The following TRANK1 variants were observed in gnomAD, a reference collection of about 807,000 sequenced individuals.
TRANK1 encodes the protein TPR and ankyrin repeat-containing protein 1.
TRANK1 carries 198 observed loss-of-function variants against 266.0 expected under a neutral mutation model. That is an observed-to-expected ratio of 0.74 (90% confidence interval 0.66 to 0.84). TRANK1 has a LOEUF of 0.84. TRANK1 is among the 40% of genes least tolerant of loss of function. The probability of loss-of-function intolerance (pLI) is 0.00; values close to 1 mark genes in which losing one functional copy is unlikely to be tolerated. For missense variants in TRANK1, 3,326 were observed against 3,634.6 expected (o/e 0.92, Z 2.18); for synonymous variants, 1,396 against 1,384.1 (o/e 1.01, Z -0.19).
Position 36,833,076 on chromosome 3 carries a change from G to C in TRANK1, c.6507C>G (p.Asn2169Lys). Residue 2169 changes from asparagine to lysine, a missense_variant, in exon 22 of 24, where the codon AAC becomes AAG. By Grantham distance (94) the Asn-to-Lys change is moderately conservative. Transcript: ENST00000645898. ...IMTDQVKLALNKHLLGRLCQI... is the reference protein window; with the variant it reads ...IMTDQVKLALKKHLLGRLCQI... ...GACACAGCCTGCCCAAAAGGTGTTTGTTTAGGGCTAATTTCACTTGGTCAG... is the reference window on the plus strand; with the variant it reads ...GACACAGCCTGCCCAAAAGGTGTTTCTTTAGGGCTAATTTCACTTGGTCAG... 1 of 1,612,826 alleles carries C rather than the reference G, an allele frequency of 6.2e-7. No homozygotes were observed. Among genetic ancestry groups the C allele is most frequent in the Non-Finnish European group, 8.5e-7 (1 of 1,179,316 alleles).
intron 1 of TRANK1, among the ~76,000 whole-genome samples, chr3:36,944,407 C>G (rs1239990123): frequency 6.6e-6 from 1 of 152,232 alleles, no homozygotes; most frequent in African/African-American, 2.4e-5. Flanking sequence ...GCCAAGAATG[C>G]TTGCCCCGGG....
In TRANK1 at chr3:36,828,321, C is replaced by T. The variant is rs747836566; in HGVS notation, c.8864G>A (p.Arg2955Gln). 7.4e-6 allele frequency: 12 copies of T among 1,611,414 alleles called. No homozygotes were observed. In the African/African-American group the frequency reaches 8.0e-5, roughly 11 times the overall value. The change falls in exon 24 of 24, where the codon CGG (arginine) becomes CAG (glutamine). Residue 2955 changes from arginine to glutamine, a missense_variant. Physicochemically the swap from Arg to Gln is conservative, Grantham distance 43. Transcript: ENST00000645898. ...ENEVEDFGEL[R>Q]PRRRSRKCGK... Reference sequence around the variant, plus strand: ...ACATTTCCGAGAACGCCTTCTAGGCCGAAGCTCACCAAAGTCTTCAACTTC... The same window carrying T: ...ACATTTCCGAGAACGCCTTCTAGGCTGAAGCTCACCAAAGTCTTCAACTTC...
At chr3:36,836,258 G>GT (rs2078769329) in intron 20 of TRANK1, among the ~76,000 whole-genome samples, 1 of 152,206 alleles carries the variant, frequency 6.6e-6, no homozygotes. Flanking sequence ...TCTTGAAGAA[G>GT]TATCTCACAG....
In TRANK1 at chr3:36,879,781, A is replaced by AATATATAAATATATAAAT. The variant is rs1295088679; in HGVS notation, c.908-5486_908-5485insATTTATATATTTATATAT. Among the ~76,000 whole-genome samples, 39 of 67,684 alleles carry AATATATAAATATATAAAT rather than the reference A, an allele frequency of 5.8e-4. 5 individuals are homozygous for AATATATAAATATATAAAT. The highest frequency in any genetic ancestry group is 8.6e-4 in the Non-Finnish European group (33 of 38,548). The allele number at this position is 67,684 out of a possible 152,430, so 44.4% of individuals were successfully genotyped here. A position where few individuals can be genotyped will look rare whatever the true frequency, so the allele number is the denominator to read the frequency against. ...ATATAAATATATATAAATATATATA[A>AATATATAAATATATAAAT]ATATGTAAATATATAAATATACAAA... On this transcript the variant is annotated intron_variant, in intron 8 of 23. Coordinates refer to ENST00000645898, the MANE Select transcript of TRANK1 (RefSeq NM_001329998.2).
At position 36,933,789 on chromosome 3, in the gene TRANK1, T is replaced by A. The variant is rs370783299; in HGVS notation, c.23+10998A>T. Among the ~76,000 whole-genome samples, 7 of 152,320 alleles carry A rather than the reference T, an allele frequency of 4.6e-5. No homozygotes were observed. In the East Asian group the frequency reaches 5.8e-4, roughly 13 times the overall value. Reference sequence around the variant, plus strand: ...TTGGTAAAAACATAGCCCTAGTATTTGTCTGTTTTTCAAAGGGGTTCCCTG... The same window carrying A: ...TTGGTAAAAACATAGCCCTAGTATTAGTCTGTTTTTCAAAGGGGTTCCCTG... On this transcript the variant is annotated intron_variant, in intron 1 of 23. Transcript: ENST00000645898.
chr3:36,878,328 G>A (rs967808400), intron 8 of TRANK1, among the ~76,000 whole-genome samples: 5 of 152,092 alleles, frequency 3.3e-5, no homozygotes, highest in African/African-American at 9.7e-5. Context: ...TGGAAAAATC[G>A]TCTTGCACAA....
At chr3:36,845,040 G>GA (rs993914243) in intron 17 of TRANK1, among the ~76,000 whole-genome samples, 13 of 145,798 alleles carry the variant, frequency 8.9e-5, no homozygotes, top group South Asian at 2.2e-4. Flanking sequence ...TGCAAATTAT[G>GA]AAAAAAAAAT....
Position 36,855,746 on chromosome 3 carries a change from A to G in TRANK1, c.3976T>C (p.Phe1326Leu), listed in dbSNP as rs762973587. ...ATTTTGGGCCATATTTCATTTTTGA[A>G]CACCTCAAACGTCACGTACACCCGG... The part of the protein sequence containing the change: ...DPRVYVTFEV[F>L]KNEIWPKMTK... The change falls in exon 13 of 24, where the codon TTC becomes CTC. Residue 1326 changes from phenylalanine to leucine, a missense_variant. Transcript: ENST00000645898. 1 of 1,613,458 alleles carries G rather than the reference A, an allele frequency of 6.2e-7. No homozygotes were observed. Among genetic ancestry groups the G allele is most frequent in the East Asian group, 2.2e-5 (1 of 44,834 alleles).
chr3:36,895,917 T>C (rs551364087), intron 4 of TRANK1, among the ~76,000 whole-genome samples, 159 bp from the exon 5 acceptor site: 136 of 152,234 alleles, frequency 8.9e-4, no homozygotes, highest in Middle Eastern at 3.2e-3. Flanking sequence ...TTATAATTGG[T>C]TGAAGTGGCA....
chr3:36,933,518 G>A (rs1193342163), intron 1 of TRANK1, among the ~76,000 whole-genome samples: 2 of 152,216 alleles, frequency 1.3e-5, no homozygotes, highest in African/African-American at 4.8e-5. Context: ...ACACAGCAGT[G>A]AGCACCAGAG....
intron 15 of TRANK1, among the ~76,000 whole-genome samples, chr3:36,848,262 T>G (rs1228886626): frequency 1.3e-5 from 2 of 152,190 alleles, no homozygotes; most frequent in Admixed American, 1.3e-4. Context: ...AATATTATTC[T>G]CCTTTGGGTT....
chr3:36,930,375 G>A (rs571631915), intron 1 of TRANK1, among the ~76,000 whole-genome samples: 24 of 152,214 alleles, frequency 1.6e-4, no homozygotes, highest in African/African-American at 4.6e-4. Flanking sequence ...GGAAGCAGGG[G>A]GTCTTTGCAG....
At chr3:36,887,718 C>T (rs1307160445) in intron 8 of TRANK1, among the ~76,000 whole-genome samples, 1 of 152,232 alleles carries the variant, frequency 6.6e-6, no homozygotes, top group Non-Finnish European at 1.5e-5. Flanking sequence ...AAAGATCAGA[C>T]ACCCCTGATT....
Position 36,851,732 on chromosome 3 carries a change from A to T in TRANK1, c.4874T>A (p.Phe1625Tyr). ...GGTGTGACATACCTCAGAATCAGTA[A>T]AAAAGTTGTAAAGGAGGACATCATC... is the stretch of plus-strand genomic sequence containing the variant. The part of the protein sequence containing the change: ...EFDDVLLYNF[F>Y]TDSEAYKEWK... Residue 1625 changes from phenylalanine to tyrosine, a missense_variant, in exon 15 of 24, where the codon TTT becomes TAT. By Grantham distance (22) the Phe-to-Tyr change is conservative. Coordinates refer to ENST00000645898, the MANE Select transcript of TRANK1 (RefSeq NM_001329998.2). 6.2e-7 allele frequency: 1 copy of T among 1,612,152 alleles called. No homozygotes were observed. Among genetic ancestry groups the T allele is most frequent in the East Asian group, 2.2e-5 (1 of 44,866 alleles).
intron 11 of TRANK1, 81 bp downstream of exon 11, chr3:36,860,825 G>T (rs546122868): frequency 1.3e-6 from 2 of 1,498,332 alleles, no homozygotes; most frequent in African/African-American, 1.4e-5. Context: ...CAAAAGCAAG[G>T]GAAAGGCAGG....
intron 12 of TRANK1, among the ~76,000 whole-genome samples, 151 bp from the exon 13 acceptor site, chr3:36,858,200 C>CAAA (rs2079086701): frequency 6.6e-6 from 1 of 152,178 alleles, no homozygotes; most frequent in Non-Finnish European, 1.5e-5. Context: ...CTCAGTGGTT[C>CAAA]TCAACCAATG....
At position 36,917,555 on chromosome 3, in the gene TRANK1, T is replaced by C. The variant is rs115458779; in HGVS notation, c.24-9101A>G. Among the ~76,000 whole-genome samples the C allele has an allele frequency of 9.4e-3, 1,435 of 152,238 alleles. 22 individuals carry two copies. Among genetic ancestry groups the C allele is most frequent in the African/African-American group, 0.033 (1,355 of 41,526 alleles). ...GTGAACTTCTTTCTTTCTTTTTGTG[T>C]ATTTATCTGTTTGTTTAAGGGAGGG... On this transcript the variant is annotated intron_variant, in intron 1 of 23. Transcript: ENST00000645898.
At chr3:36,943,117 A>G (rs2080520142) in intron 1 of TRANK1, among the ~76,000 whole-genome samples, 1 of 151,138 alleles carries the variant, frequency 6.6e-6, no homozygotes, top group Non-Finnish European at 1.5e-5. Flanking sequence ...GCTTGAACCC[A>G]GGAGGCGGAG....
chr3:36,876,177 C>T (rs2079385888), intron 8 of TRANK1, among the ~76,000 whole-genome samples: 1 of 152,228 alleles, frequency 6.6e-6, no homozygotes, highest in Non-Finnish European at 1.5e-5. Flanking sequence ...GACAGCACCT[C>T]CTCTCTCTCA....
Sources: allele counts gnomAD v4.1 joint callset (sites outside exome capture counted in the v4.1 genomes callset), GRCh38; gene constraint gnomAD v4.1.1; transcripts MANE v1.5; gene names NCBI Gene and HGNC (gene_info 2026-07-23, HGNC 2026-07-21).